The following ASTN2 variants were observed in gnomAD, a reference collection of about 807,000 sequenced individuals.
ASTN2 encodes the protein astrotactin-2.
Under a neutral mutation model 139.8 loss-of-function variants are expected in ASTN2, and 54 were observed. The observed-to-expected ratio is 0.39, with a 90% CI of 0.31 to 0.48. The LOEUF is 0.48. ASTN2 is among the 20% of genes least tolerant of loss of function. The pLI, the probability that ASTN2 is intolerant of heterozygous loss-of-function variation, is 0.95. For synonymous variants in ASTN2, 756 were observed against 719.5 expected (o/e 1.05, Z -0.81); for missense variants, 1,565 against 1,725.1 (o/e 0.91, Z 1.64).
At chr9:116,968,643 A>C (rs569598291) in intron 10 of ASTN2, among the ~76,000 whole-genome samples, 1 of 152,224 alleles carries the variant, frequency 6.6e-6, no homozygotes, top group South Asian at 2.1e-4. Context: ...TCACAACTGG[A>C]ATCCCAACAC....
At chr9:117,353,788 A>T (rs1318452044) in intron 1 of ASTN2, among the ~76,000 whole-genome samples, 1 of 152,194 alleles carries the variant, frequency 6.6e-6, no homozygotes, top group Non-Finnish European at 1.5e-5. Flanking sequence ...ACTAAGTGAA[A>T]GAAGCCAATC....
At chr9:116,447,512 C>A (rs1158949172) in intron 20 of ASTN2, among the ~76,000 whole-genome samples, 2 of 152,002 alleles carry the variant, frequency 1.3e-5, no homozygotes, top group Non-Finnish European at 2.9e-5. Context: ...GTGAAATGAA[C>A]AGAAGATGAC....
intron 19 of ASTN2, among the ~76,000 whole-genome samples, chr9:116,521,362 C>A (rs573286306): frequency 3.6e-4 from 54 of 152,062 alleles, no homozygotes; most frequent in African/African-American, 1.2e-3. Context: ...TAGCCACTGA[C>A]CTTCAGCAAA....
intron 3 of ASTN2, among the ~76,000 whole-genome samples, chr9:117,188,515 G>A (rs1001011328): frequency 3.2e-4 from 49 of 152,172 alleles, no homozygotes; most frequent in Middle Eastern, 3.4e-3. Context: ...AGCAGCTAAG[G>A]GAGCAAGATG....
At chr9:116,680,124 T>C (rs1337733535) in intron 16 of ASTN2, among the ~76,000 whole-genome samples, 1 of 151,910 alleles carries the variant, frequency 6.6e-6, no homozygotes, top group African/African-American at 2.4e-5. Context: ...GATAGACCAC[T>C]AGCAAGACTC....
chr9:116,927,746 G>A (rs1194870029), intron 10 of ASTN2, among the ~76,000 whole-genome samples: 1 of 152,126 alleles, frequency 6.6e-6, no homozygotes, highest in Non-Finnish European at 1.5e-5. Flanking sequence ...GAGGTGGGGG[G>A]AAATTTTCTG....
At chr9:117,221,599 A>G (rs1832520169) in intron 2 of ASTN2, among the ~76,000 whole-genome samples, 1 of 150,824 alleles carries the variant, frequency 6.6e-6, no homozygotes, top group Admixed American at 6.7e-5. Context: ...AGAGCTGTGA[A>G]CATGCATATT....
chr9:117,369,348 A>G (rs895567374), intron 1 of ASTN2, among the ~76,000 whole-genome samples: 1 of 152,050 alleles, frequency 6.6e-6, no homozygotes, highest in African/African-American at 2.4e-5. Flanking sequence ...AATAGCTACC[A>G]TTTATTGTGT....
intron 5 of ASTN2, among the ~76,000 whole-genome samples, chr9:117,064,711 C>T (rs7848547): frequency 0.45 from 68,650 of 151,650 alleles, 15,831 homozygotes; most frequent in East Asian, 0.64. Context: ...TGCACATGAT[C>T]CAGGTGATGC....
chr9:116,514,904 C>G (rs983646428), intron 19 of ASTN2, among the ~76,000 whole-genome samples: 1 of 152,110 alleles, frequency 6.6e-6, no homozygotes, highest in Admixed American at 6.5e-5. Context: ...CACAGTTTTG[C>G]TTGGCTAGGA....
intron 16 of ASTN2, chr9:116,686,827 A>G (rs755258236): frequency 3.0e-5 from 46 of 1,550,336 alleles, no homozygotes; most frequent in Non-Finnish European, 3.9e-5. Context: ...TCTCTAGTGC[A>G]GCTCTCTGTC....
chr9:116,517,192 C>T (rs182923853), intron 19 of ASTN2, among the ~76,000 whole-genome samples: 48 of 152,354 alleles, frequency 3.2e-4, no homozygotes, highest in Admixed American at 2.5e-3. Context: ...CACCTCCTGG[C>T]TGGAAGCCAA....
intron 1 of ASTN2, among the ~76,000 whole-genome samples, chr9:117,294,661 T>G (rs1205839703): frequency 1.3e-5 from 2 of 152,216 alleles, no homozygotes; most frequent in Non-Finnish European, 2.9e-5. Context: ...AATGTCTCCT[T>G]GCCCATGTTA....
At chr9:117,055,084 C>T (rs937859790) in intron 5 of ASTN2, among the ~76,000 whole-genome samples, 7 of 152,188 alleles carry the variant, frequency 4.6e-5, no homozygotes, top group African/African-American at 1.7e-4. Context: ...TGGCCAGGTT[C>T]CTAACAGGCT....
At chr9:116,990,673 C>T (rs7862284) in intron 7 of ASTN2, among the ~76,000 whole-genome samples, 1 of 152,202 alleles carries the variant, frequency 6.6e-6, no homozygotes, top group African/African-American at 2.4e-5. Flanking sequence ...CACACTACAG[C>T]CCCCACTTTC....
At chr9:117,330,126 G>C (rs576696205) in intron 1 of ASTN2, among the ~76,000 whole-genome samples, 1 of 152,126 alleles carries the variant, frequency 6.6e-6, no homozygotes, top group Admixed American at 6.6e-5. Flanking sequence ...TCCTTAATAA[G>C]GGAAGCTGAT....
At chr9:116,662,951 C>T (rs1382035205) in intron 16 of ASTN2, among the ~76,000 whole-genome samples, 1 of 152,162 alleles carries the variant, frequency 6.6e-6, no homozygotes, top group Non-Finnish European at 1.5e-5. Flanking sequence ...GACTCCAAAG[C>T]CCCTTTTCTG....
At chr9:117,390,322 A>C (rs1337224100) in intron 1 of ASTN2, among the ~76,000 whole-genome samples, 2 of 152,198 alleles carry the variant, frequency 1.3e-5, no homozygotes, top group Non-Finnish European at 2.9e-5. Flanking sequence ...ATTTGTTATA[A>C]TTGATGAGCC....
At chr9:117,156,324 T>C (rs1210022211) in intron 3 of ASTN2, among the ~76,000 whole-genome samples, 1 of 152,086 alleles carries the variant, frequency 6.6e-6, no homozygotes, top group Non-Finnish European at 1.5e-5. Flanking sequence ...TATTTATAAC[T>C]CTCTTTAACA....
Sources: allele counts gnomAD v4.1 joint callset (sites outside exome capture counted in the v4.1 genomes callset), GRCh38; gene constraint gnomAD v4.1.1; transcripts MANE v1.5; gene names NCBI Gene and HGNC (gene_info 2026-07-23, HGNC 2026-07-21).